The following LRRC34 variants were observed in gnomAD, a reference collection of about 807,000 sequenced individuals.
The protein encoded by LRRC34 is leucine-rich repeat-containing protein 34.
In LRRC34, 44 loss-of-function variants were observed where a neutral mutation model predicts 48.5. That is an observed-to-expected ratio of 0.91 (90% confidence interval 0.71 to 1.17). The LOEUF (loss-of-function observed/expected upper bound fraction) is 1.17. Among genes scored for constraint, LRRC34 ranks in the 50% most tolerant of loss-of-function variants. The probability of loss-of-function intolerance (pLI) is 0.00; values close to 1 mark genes in which losing one functional copy is unlikely to be tolerated. For synonymous variants in LRRC34, 192 were observed against 197.6 expected, an observed-to-expected ratio of 0.97 and a Z score of 0.24; for missense variants, 502 against 563.0, an observed-to-expected ratio of 0.89 and a Z score of 1.10.
rs768696864 is a variant in LRRC34 at position 169,807,722 on chromosome 3, A to C, written c.258-13T>G. Reference sequence around the variant, plus strand: ...TCCTGCTGCTAGCCTGTTAAAATACAAAAAAAAAAAAAAAAAAAAAAGATT... The same window carrying C: ...TCCTGCTGCTAGCCTGTTAAAATACCAAAAAAAAAAAAAAAAAAAAAGATT... On this transcript the variant is annotated splice_polypyrimidine_tract_variant and intron_variant, in intron 2 of 10. Transcript: ENST00000446859. 6 of 471,042 alleles carry C rather than the reference A, an allele frequency of 1.3e-5. No individual in the cohort carries two copies. The highest frequency in any genetic ancestry group is 9.7e-5 in the South Asian group (4 of 41,204). The allele number at this position is 471,042 out of a possible 1,614,324, so 29.2% of individuals were successfully genotyped here.
Position 169,806,909 on chromosome 3 carries a change from A to C in LRRC34, c.467T>G (p.Leu156Ter), listed in dbSNP as rs770697967. ...LLQKQLNLIY[L>*]NLMFNDIGPE... Reference sequence around the variant, plus strand: ...CCCAATATCATTAAACATGAGGTTTAAGTAAATGAGATTAAGTTGTTTCTA... The same window carrying C: ...CCCAATATCATTAAACATGAGGTTTCAGTAAATGAGATTAAGTTGTTTCTA... The change falls in exon 5 of 11, where the codon TTA becomes TGA. Residue 156 changes from leucine to a stop codon, truncating the protein, a stop_gained. Transcript: ENST00000446859. LOFTEE classifies it high-confidence loss of function. 2 of 1,603,340 alleles carry C rather than the reference A, an allele frequency of 1.2e-6. No individual in the cohort carries two copies.
Position 169,793,646 on chromosome 3 carries a change from G to T in LRRC34, c.1384C>A (p.Gln462Lys). The change falls in exon 11 of 11, where the codon CAA becomes AAA. Residue 462 changes from glutamine (Q) to lysine (K), a missense_variant. Coordinates refer to ENST00000446859, the MANE Select transcript of LRRC34 (RefSeq NM_001172779.2). ...TTACAGCTACTTTTTCATGGCTGTT[G>T]ACCTACTGGAACAAGAGCAAAACCT... Reference protein sequence around the residue: ...NAGFALVPVGQQP With the variant: ...NAGFALVPVGKQP 1 of 1,611,172 alleles carries T rather than the reference G, an allele frequency of 6.2e-7. No homozygotes were observed. Among genetic ancestry groups the T allele is most frequent in the African/African-American group, 1.3e-5 (1 of 74,968 alleles).
chr3:169,807,576 A>T lies in LRRC34; in HGVS notation c.379+12T>A. The T allele has an allele frequency of 6.2e-7, 1 of 1,612,794 alleles. No individual in the cohort carries two copies. Among genetic ancestry groups the T allele is most frequent in the Non-Finnish European group, 8.5e-7 (1 of 1,179,172 alleles). On this transcript the variant is annotated intron_variant, in intron 3 of 10. Transcript: ENST00000446859. ...TGAAAAGCAGGAGGTATTGATTCTTATGGAAACATACCATTAATATACAGA... is the reference window on the plus strand; with the variant it reads ...TGAAAAGCAGGAGGTATTGATTCTTTTGGAAACATACCATTAATATACAGA...
At chr3:169,808,786 T>C (rs762188198) in intron 1 of LRRC34, 41 bp from the exon 2 acceptor site, 5 of 1,135,602 alleles carry the variant, frequency 4.4e-6, no homozygotes, top group South Asian at 4.1e-5. Flanking sequence ...TAAATTATTC[T>C]AGAAGCTTTA....
At chr3:169,804,848 A>T (rs1298218495) in intron 5 of LRRC34, among the ~76,000 whole-genome samples, 1 of 152,264 alleles carries the variant, frequency 6.6e-6, no homozygotes, top group Admixed American at 6.5e-5. Flanking sequence ...ACAATTCAGT[A>T]GCATTTAGTA....
Position 169,812,529 on chromosome 3 carries a change from C to G in LRRC34, c.20G>C (p.Arg7Pro), listed in dbSNP as rs1443222609. Residue 7 changes from arginine to proline, a missense_variant, in exon 1 of 11, where the codon CGG becomes CCG. By Grantham distance (103) the Arg-to-Pro change is moderately radical. Coordinates refer to ENST00000446859, the MANE Select transcript of LRRC34 (RefSeq NM_001172779.2). This position sits in a 1 kb window ranked among gnomAD's most constrained non-coding sequence, Gnocchi z 4.3. MAAQPP[R>P]PVGERSMGSS... ...CCCCATGCTCCTCTCACCCACTGGC[C>G]GCGGCGGCTGCGCTGCCATGGCGAC... is the stretch of plus-strand genomic sequence containing the variant. 1 of 1,508,068 alleles carries G rather than the reference C, an allele frequency of 6.6e-7. No individual in the cohort carries two copies. The highest frequency in any genetic ancestry group is 2.1e-5 in the Admixed American group (1 of 46,862). 93.4% of individuals were successfully genotyped at this position (1,508,068 alleles called of 1,614,324 possible).
Position 169,796,786 on chromosome 3 carries a change from T to C in LRRC34, c.867A>G (p.Ala289=). Residue 289 remains alanine (A), a synonymous_variant, in exon 8 of 11, where the codon GCA becomes GCG. Coordinates refer to ENST00000446859, the MANE Select transcript of LRRC34 (RefSeq NM_001172779.2). The part of the protein sequence containing the change: ...KNSGIQQLCD[A]LYLNSSLRYL... ...AGCGCAGGCTACTGTTCAGATACAG[T>C]GCATCACATAACTGTTGTATACCAC... is the stretch of plus-strand genomic sequence containing the variant. 6.2e-7 allele frequency: 1 copy of C among 1,611,230 alleles called. No individual in the cohort carries two copies. The highest frequency in any genetic ancestry group is 8.5e-7 in the Non-Finnish European group (1 of 1,179,082).
intron 7 of LRRC34, 33 bp downstream of exon 7, chr3:169,800,626 G>T: frequency 7.5e-7 from 1 of 1,338,526 alleles, no homozygotes; most frequent in Non-Finnish European, 1.0e-6. Flanking sequence ...TATTCATGTT[G>T]TTATATTAAC....
intron 5 of LRRC34, 123 bp from the exon 6 acceptor site, chr3:169,804,304 TA>T (rs1779299380): frequency 2.5e-6 from 2 of 790,290 alleles, no homozygotes; most frequent in Non-Finnish European, 3.6e-6. Flanking sequence ...ACACGATATA[TA>T]TTTTTTTTGA....
intron 5 of LRRC34, among the ~76,000 whole-genome samples, chr3:169,805,651 G>A (rs757778405): frequency 2.3e-4 from 35 of 152,038 alleles, no homozygotes; most frequent in Non-Finnish European, 5.0e-4. Flanking sequence ...TTGGGAGGCC[G>A]AGGTGGGCAG....
chr3:169,807,641 C>G lies in LRRC34; in HGVS notation c.326G>C (p.Gly109Ala), dbSNP rs764933684. 3 of 1,610,974 alleles carry G rather than the reference C, an allele frequency of 1.9e-6. No homozygotes were observed. The highest frequency in any genetic ancestry group is 2.5e-6 in the Non-Finnish European group (3 of 1,179,180). The part of the protein sequence containing the change: ...NRLVPVERVT[G>A]EDFWILSKIL... ...TTTGGAAAGAATCCAAAAATCTTCA[C>G]CTGTAACTCTTTCTACTGGCACTAA... The change falls in exon 3 of 11, where the codon GGT (glycine) becomes GCT (alanine). Residue 109 changes from glycine (G) to alanine (A), a missense_variant. By Grantham distance (60) the Gly-to-Ala change is moderately conservative. Transcript: ENST00000446859.
At chr3:169,795,777 T>A (rs1310907529) in intron 9 of LRRC34, 166 bp from the exon 10 acceptor site, 1 of 1,333,736 alleles carries the variant, frequency 7.5e-7, no homozygotes, top group African/African-American at 1.5e-5. Flanking sequence ...TCTAATTAGA[T>A]CCTTAAGGTA....
At chr3:169,809,999 C>G (rs2108250243) in intron 1 of LRRC34, among the ~76,000 whole-genome samples, 1 of 150,028 alleles carries the variant, frequency 6.7e-6, no homozygotes, top group Middle Eastern at 3.4e-3. Flanking sequence ...ATCTGCCACC[C>G]AAGCTGGAGA....
chr3:169,801,217 T>A (rs1349604372), intron 6 of LRRC34, among the ~76,000 whole-genome samples: 1 of 152,168 alleles, frequency 6.6e-6, no homozygotes, highest in Non-Finnish European at 1.5e-5. Context: ...AAGGGCCTAG[T>A]CTCCCCATAT....
At position 169,812,736 on chromosome 3, in the gene LRRC34, G is replaced by C; in HGVS notation, c.-188C>G. On this transcript the variant is annotated 5_prime_UTR_variant, in exon 1 of 11. Coordinates refer to ENST00000446859, the MANE Select transcript of LRRC34 (RefSeq NM_001172779.2). This position sits in a 1 kb window ranked among gnomAD's most constrained non-coding sequence, Gnocchi z 4.3. The stretch of plus-strand genomic sequence containing the variant: ...CCCTGGTTAAAGGCAGCCTGAGGGA[G>C]GGCGTCCTGGCTCCTTTGCAGGGAG... The C allele has an allele frequency of 4.9e-6, 4 of 809,138 alleles. No individual in the cohort carries two copies. Among genetic ancestry groups the C allele is most frequent in the Non-Finnish European group, 7.1e-6 (4 of 564,746 alleles). 50.1% of individuals were successfully genotyped at this position (809,138 alleles called of 1,614,324 possible). A position where few individuals can be genotyped will look rare whatever the true frequency, so the allele number is the denominator to read the frequency against.
chr3:169,810,883 G>A (rs545296963), intron 1 of LRRC34, among the ~76,000 whole-genome samples: 2 of 152,336 alleles, frequency 1.3e-5, no homozygotes, highest in South Asian at 2.1e-4. Context: ...TGGCCAATAT[G>A]GTGAAACCCT....
At chr3:169,802,698 C>T (rs746378051) in intron 6 of LRRC34, among the ~76,000 whole-genome samples, 1 of 152,088 alleles carries the variant, frequency 6.6e-6, no homozygotes, top group Non-Finnish European at 1.5e-5. Context: ...CTTGGCCAGG[C>T]GCTGTGGCTC....
chr3:169,798,835 C>A (rs1377858257), intron 7 of LRRC34, among the ~76,000 whole-genome samples: 1 of 152,076 alleles, frequency 6.6e-6, no homozygotes. Flanking sequence ...TTCTGATTAC[C>A]CTCCTTATGT....
intron 1 of LRRC34, among the ~76,000 whole-genome samples, chr3:169,811,113 G>C (rs936913409): frequency 6.6e-6 from 1 of 152,158 alleles, no homozygotes; most frequent in Non-Finnish European, 1.5e-5. Context: ...ATGCAATCTA[G>C]AAAATGCTGC....
Sources: allele counts gnomAD v4.1 joint callset (sites outside exome capture counted in the v4.1 genomes callset), GRCh38; gene constraint gnomAD v4.1.1; non-coding constraint Gnocchi (gnomAD v3.1); transcripts MANE v1.5; gene names NCBI Gene and HGNC (gene_info 2026-07-23, HGNC 2026-07-21).